TGFBR2: variants seen among roughly 807,000 people sequenced by gnomAD.
TGFBR2 encodes the protein transforming growth factor beta receptor 2, also known as TGF-beta receptor type-2.
Under a neutral mutation model 49.0 loss-of-function variants are expected in TGFBR2, and 18 were observed. That is an observed-to-expected ratio of 0.37 (90% CI 0.25 to 0.54). The LOEUF (loss-of-function observed/expected upper bound fraction) is 0.54. Ranked by LOEUF, TGFBR2 falls within the 20% of genes least tolerant of loss-of-function variation. TGFBR2 has a pLI of 0.85. For missense variants in TGFBR2, 525 were observed against 722.6 expected (o/e 0.73, Z 3.13); for synonymous variants, 282 against 275.9 (o/e 1.02, Z -0.22).
At chr3:30,664,533 T>TGTTA (rs1699210518) in intron 3 of TGFBR2, among the ~76,000 whole-genome samples, 1 of 152,156 alleles carries the variant, frequency 6.6e-6, no homozygotes, top group Non-Finnish European at 1.5e-5. Context: ...CAAAGATAAA[T>TGTTA]GTTAGTATGC....
At chr3:30,662,894 A>C (rs1699160359) in intron 3 of TGFBR2, among the ~76,000 whole-genome samples, 1 of 152,228 alleles carries the variant, frequency 6.6e-6, no homozygotes, top group South Asian at 2.1e-4. Context: ...GTTTAGCAAG[A>C]ATAAAATTTA....
In TGFBR2 at chr3:30,663,978, T is replaced by TTG. The variant is rs1219094528; in HGVS notation, c.455-7660_455-7659insTG. ...AAGAGGAAGAGAGGGCTAACTTTTT[T>TTG]GGGGGGGGGAGTTGGGGGGGCAGGG... On this transcript the variant is annotated intron_variant, in intron 3 of 6. Transcript: ENST00000295754. 3.1e-3 allele frequency among the ~76,000 whole-genome samples: 227 copies of TTG among 73,606 alleles called. 1 individual carries two copies. The highest frequency in any genetic ancestry group is 0.02 in the South Asian group (41 of 2,016). The allele number at this position is 73,606 out of a possible 152,430, so 48.3% of individuals were successfully genotyped here.
At chr3:30,633,148 T>A (rs1698467559) in intron 1 of TGFBR2, among the ~76,000 whole-genome samples, 1 of 152,222 alleles carries the variant, frequency 6.6e-6, no homozygotes, top group Non-Finnish European at 1.5e-5. Flanking sequence ...ATTGGCTTTG[T>A]CTTTTATTTG....
intron 1 of TGFBR2, among the ~76,000 whole-genome samples, chr3:30,607,950 T>C (rs543387354): frequency 2.0e-5 from 3 of 150,530 alleles, no homozygotes; most frequent in Admixed American, 6.6e-5. Context: ...AGTTAGATTT[T>C]TTTTTTTTGG....
At position 30,650,345 on chromosome 3, in the gene TGFBR2, G is replaced by T; in HGVS notation, c.339G>T (p.Leu113=). The T allele has an allele frequency of 6.2e-7, 1 of 1,613,910 alleles. No homozygotes were observed. The highest frequency in any genetic ancestry group is 1.3e-5 in the African/African-American group (1 of 74,958). ...AGCTCCCCTACCATGACTTTATTCTGGAAGATGCTGCTTCTCCAAAGTGCA... is the reference window on the plus strand; with the variant it reads ...AGCTCCCCTACCATGACTTTATTCTTGAAGATGCTGCTTCTCCAAAGTGCA... ...DPKLPYHDFI[L]EDAASPKCIM... The change falls in exon 3 of 7, where the codon CTG becomes CTT. Residue 113 remains leucine (L), a synonymous_variant. Transcript: ENST00000295754.
intron 3 of TGFBR2, among the ~76,000 whole-genome samples, chr3:30,662,345 T>A (rs1284374182): frequency 6.6e-6 from 1 of 152,196 alleles, no homozygotes; most frequent in Non-Finnish European, 1.5e-5. Flanking sequence ...GAGATTATCA[T>A]ACTGGATTAG....
chr3:30,620,649 C>A (rs563593395), intron 1 of TGFBR2, among the ~76,000 whole-genome samples: 29 of 152,218 alleles, frequency 1.9e-4, no homozygotes, highest in African/African-American at 6.3e-4. Context: ...ATGTGTGAAT[C>A]TTTTGCAGAA....
intron 1 of TGFBR2, among the ~76,000 whole-genome samples, chr3:30,625,820 A>G (rs1478616208): frequency 1.3e-5 from 2 of 152,226 alleles, no homozygotes; most frequent in African/African-American, 2.4e-5. Context: ...TTTTCTAGTT[A>G]CAGCTCAAGG....
intron 3 of TGFBR2, chr3:30,661,449 A>G (rs1699127129): frequency 3.0e-5 from 12 of 400,762 alleles, no homozygotes; most frequent in South Asian, 2.2e-4. Context: ...GGTGAAAAGC[A>G]CAGTGGAAGG....
At chr3:30,685,953 T>C (rs1699613190) in intron 5 of TGFBR2, among the ~76,000 whole-genome samples, 1 of 152,206 alleles carries the variant, frequency 6.6e-6, no homozygotes, top group Non-Finnish European at 1.5e-5. Flanking sequence ...CCTTTACTAT[T>C]ATATGGTAGT....
Position 30,650,386 on chromosome 3 carries a change from A to T in TGFBR2, c.380A>T (p.Lys127Ile), listed in dbSNP as rs2125410392. ...ASPKCIMKEK[K>I]KPGETFFMCS... ...CCAAAGTGCATTATGAAGGAAAAAA[A>T]AAAGCCTGGTGAGACTTTCTTCATG... Residue 127 changes from lysine (K) to isoleucine (I), a missense_variant, in exon 3 of 7, where the codon AAA (lysine) becomes ATA (isoleucine). Around this residue, in one of 3 missense-constraint regions of TGFBR2, gnomAD observed 376 missense variants for 478.2 expected, o/e 0.79. Transcript: ENST00000295754. 1 of 1,614,084 alleles carries T rather than the reference A, an allele frequency of 6.2e-7. No individual in the cohort carries two copies. Among genetic ancestry groups the T allele is most frequent in the East Asian group, 2.2e-5 (1 of 44,884 alleles).
intron 1 of TGFBR2, among the ~76,000 whole-genome samples, chr3:30,636,790 C>T (rs149502635): frequency 0.013 from 1,936 of 151,614 alleles, 39 homozygotes; most frequent in African/African-American, 0.044. Context: ...ACAGGCCAGG[C>T]GTGGTGGCTC....
chr3:30,693,608 A>C lies in TGFBR2; in HGVS notation c.*2009A>C, dbSNP rs1699749071. 4.3e-6 allele frequency: 1 copy of C among 233,456 alleles called. No individual in the cohort carries two copies. Among genetic ancestry groups the C allele is most frequent in the African/African-American group, 2.2e-5 (1 of 45,310 alleles). The allele number at this position is 233,456 out of a possible 1,614,324, so 14.5% of individuals were successfully genotyped here. ...CCCTCCTCAGTGTGGGTGGGCTGAGAGTTAAAGACAGTGTGGCTGCAGTAG... is the reference window on the plus strand; with the variant it reads ...CCCTCCTCAGTGTGGGTGGGCTGAGCGTTAAAGACAGTGTGGCTGCAGTAG... On this transcript the variant is annotated 3_prime_UTR_variant, in exon 7 of 7. Transcript: ENST00000295754.
rs17026217 is a variant in TGFBR2 at position 30,675,503 on chromosome 3, C to A, written c.1396+1257C>A. Among the ~76,000 whole-genome samples, 923 of 152,040 alleles carry A rather than the reference C, an allele frequency of 6.1e-3. 2 individuals carry two copies. Among genetic ancestry groups the A allele is most frequent in the South Asian group, 0.014 (66 of 4,818 alleles). The stretch of plus-strand genomic sequence containing the variant: ...CCGGGTTCAAGCAATTCTCCTAGCT[C>A]AGCCTCTTGAGTAGCTGAGATTACA... On this transcript the variant is annotated intron_variant, in intron 5 of 6. Coordinates refer to ENST00000295754, the MANE Select transcript of TGFBR2 (RefSeq NM_003242.6).
At chr3:30,637,744 G>A (rs1698563857) in intron 1 of TGFBR2, among the ~76,000 whole-genome samples, 1 of 152,042 alleles carries the variant, frequency 6.6e-6, no homozygotes, top group African/African-American at 2.4e-5. Flanking sequence ...GTTTGGATTT[G>A]TCTAATTTAT....
Position 30,668,730 on chromosome 3 carries a change from C to G in TGFBR2, c.455-2908C>G, listed in dbSNP as rs542026181. ...CAATCACCAAATTTTCTCACTTTCC[C>G]TATACTTTTAAAATGCATTCATATA... On this transcript the variant is annotated intron_variant, in intron 3 of 6. Transcript: ENST00000295754. Among the ~76,000 whole-genome samples the G allele has an allele frequency of 3.3e-5, 5 of 152,126 alleles. No individual in the cohort carries two copies. The South Asian group carries it at 1.0e-3, about 32-fold the overall frequency.
chr3:30,688,260 G>A lies in TGFBR2; in HGVS notation c.1397-124G>A. 6 of 1,271,190 alleles carry A rather than the reference G, an allele frequency of 4.7e-6. No individual in the cohort carries two copies. In the Admixed American group the frequency reaches 8.4e-5, roughly 18 times the overall value. 78.7% of individuals were successfully genotyped at this position (1,271,190 alleles called of 1,614,324 possible). A position where few individuals can be genotyped will look rare whatever the true frequency, so the allele number is the denominator to read the frequency against. On this transcript the variant is annotated intron_variant, in intron 5 of 6. Coordinates refer to ENST00000295754, the MANE Select transcript of TGFBR2 (RefSeq NM_003242.6). ...ATTATTATTAAAATTTGCTCTTAGAGTAATTACGTATGTATTTGTTACTTA... is the reference window on the plus strand; with the variant it reads ...ATTATTATTAAAATTTGCTCTTAGAATAATTACGTATGTATTTGTTACTTA...
chr3:30,675,395 T>TTG, intron 5 of TGFBR2, among the ~76,000 whole-genome samples: 1 of 149,898 alleles, frequency 6.7e-6, no homozygotes, highest in South Asian at 2.1e-4. Flanking sequence ...ACTCCACCCT[T>TTG]TTTTTTTTTT....
chr3:30,644,676 A>T (rs1334461428), intron 1 of TGFBR2, 71 bp from the exon 2 acceptor site: 1 of 1,438,874 alleles, frequency 6.9e-7, no homozygotes. Flanking sequence ...ATTGCATAAC[A>T]TCTTCAGGAA....
Sources: gnomAD v4.1 joint callset for allele counts (sites outside exome capture counted in the v4.1 genomes callset) on GRCh38, gnomAD v4.1.1 for gene constraint, gnomAD v4.1.1 regional missense constraint, MANE v1.5 for transcripts, NCBI Gene and HGNC (gene_info 2026-07-23, HGNC 2026-07-21) for gene names.